CNR2: variants seen among roughly 807,000 people sequenced by gnomAD.
CNR2 encodes the protein cannabinoid receptor 2.
For missense variants in CNR2, 379 were observed against 439.9 expected (o/e 0.86, Z 1.24); for synonymous variants, 172 against 182.2 (o/e 0.94, Z 0.45).
At chr1:23,910,779 T>C (rs1640571165) in intron 1 of CNR2, among the ~76,000 whole-genome samples, 1 of 151,314 alleles carries the variant, frequency 6.6e-6, no homozygotes, top group Non-Finnish European at 1.5e-5. Flanking sequence ...ATTTTTAGAG[T>C]TGAAGAAACT....
intron 1 of CNR2, among the ~76,000 whole-genome samples, chr1:23,887,068 G>A (rs1327853347): frequency 6.6e-6 from 1 of 152,128 alleles, no homozygotes; most frequent in African/African-American, 2.4e-5. Context: ...ACCATGCCTG[G>A]TTAATTTTTG....
At position 23,887,838 on chromosome 1, in the gene CNR2, GC is replaced by G. The variant is rs1325515411; in HGVS notation, c.-45-12177del. Among the ~76,000 whole-genome samples the G allele has an allele frequency of 3.4e-5, 4 of 117,808 alleles. No individual in the cohort carries two copies. The East Asian group carries it at 6.7e-4, about 20-fold the overall frequency. 77.3% of individuals were successfully genotyped at this position (117,808 alleles called of 152,430 possible). Reference sequence around the variant, plus strand: ...CAAGGCTAAAAAAAAAATTTAAGTAGCCCCCCGAAGTTAAAGTTAAAAAAAA... The same window carrying G: ...CAAGGCTAAAAAAAAAATTTAAGTAGCCCCCGAAGTTAAAGTTAAAAAAAA... On this transcript the variant is annotated intron_variant, in intron 1 of 1. Transcript: ENST00000374472.
At chr1:23,886,705 A>G (rs925112733) in intron 1 of CNR2, among the ~76,000 whole-genome samples, 2 of 152,232 alleles carry the variant, frequency 1.3e-5, no homozygotes, top group Admixed American at 6.5e-5. Context: ...TTCTAATCCA[A>G]CGCCATCATT....
intron 1 of CNR2, among the ~76,000 whole-genome samples, chr1:23,885,487 T>C (rs1329103929): frequency 6.6e-6 from 1 of 152,182 alleles, no homozygotes; most frequent in Non-Finnish European, 1.5e-5. Context: ...ATTACTATCA[T>C]ACATGGAAGT....
In CNR2 at chr1:23,883,325, C is replaced by T. The variant is rs146078719; in HGVS notation, c.-45-7663G>A. Among the ~76,000 whole-genome samples the T allele has an allele frequency of 2.3e-3, 351 of 152,330 alleles. 2 individuals carry two copies. Among genetic ancestry groups the T allele is most frequent in the African/African-American group, 8.1e-3 (338 of 41,572 alleles). On this transcript the variant is annotated intron_variant, in intron 1 of 1. Coordinates refer to ENST00000374472, the MANE Select transcript of CNR2 (RefSeq NM_001841.3). ...AAATCTGGTGAAGTTGACGATACATCAATTGCAGTCCCGGGAATACGTTCT... is the reference window on the plus strand; with the variant it reads ...AAATCTGGTGAAGTTGACGATACATTAATTGCAGTCCCGGGAATACGTTCT...
chr1:23,870,886 C>T lies in CNR2; in HGVS notation c.*3649G>A, dbSNP rs932387793. On this transcript the variant is annotated 3_prime_UTR_variant, in exon 2 of 2. Coordinates refer to ENST00000374472, the MANE Select transcript of CNR2 (RefSeq NM_001841.3). ...CAGACATAGGGGCTGGGAGTGGTGG[C>T]TCACACCTGTAATCCTAGCACTTTG... 6.6e-6 allele frequency: 1 copy of T among 152,222 alleles called. No homozygotes were observed. The highest frequency in any genetic ancestry group is 2.4e-5 in the African/African-American group (1 of 41,400). 9.4% of individuals were successfully genotyped at this position (152,222 alleles called of 1,614,324 possible). A position where few individuals can be genotyped will look rare whatever the true frequency, so the allele number is the denominator to read the frequency against.
At position 23,875,819 on chromosome 1, in the gene CNR2, C is replaced by T. The variant is rs2148456568; in HGVS notation, c.-45-157G>A. 2.6e-5 allele frequency among the ~76,000 whole-genome samples: 4 copies of T among 152,138 alleles called. No homozygotes were observed. In the Middle Eastern group the frequency reaches 0.014, roughly 517 times the overall value. ...GTTTGCCTGTATTTTGCCCTTTCTC[C>T]ATCCAAGCAGGAAGCCAGATCTGTC... is the stretch of plus-strand genomic sequence containing the variant. On this transcript the variant is annotated intron_variant, in intron 1 of 1. Transcript: ENST00000374472.
chr1:23,895,466 C>T (rs894967015), intron 1 of CNR2, among the ~76,000 whole-genome samples: 7 of 152,144 alleles, frequency 4.6e-5, no homozygotes, highest in Non-Finnish European at 7.3e-5. Context: ...TGCCCAAAAA[C>T]CCATAGCAAG....
intron 1 of CNR2, among the ~76,000 whole-genome samples, chr1:23,910,536 C>T (rs1299620333): frequency 6.6e-6 from 1 of 151,242 alleles, no homozygotes; most frequent in Non-Finnish European, 1.5e-5. Context: ...TGCCTGTCAT[C>T]CCAGCTACTT....
intron 1 of CNR2, chr1:23,901,982 G>A: frequency 1.9e-6 from 3 of 1,604,862 alleles, no homozygotes; most frequent in Admixed American, 3.3e-5. Flanking sequence ...GTTGGTGGCC[G>A]TGTACCACAG....
chr1:23,906,184 G>A (rs79950720), intron 1 of CNR2, among the ~76,000 whole-genome samples: 744 of 152,128 alleles, frequency 4.9e-3, no homozygotes, highest in Non-Finnish European at 7.9e-3. Context: ...TCCCCCCTCA[G>A]ACTCTCTAGC....
At position 23,875,367 on chromosome 1, in the gene CNR2, C is replaced by A. The variant is rs1008131094; in HGVS notation, c.251G>T (p.Ser84Ile). Residue 84 changes from serine to isoleucine, a missense_variant, in exon 2 of 2, where the codon AGT becomes ATT. Physicochemically the swap from Ser to Ile is moderately radical, Grantham distance 142. Transcript: ENST00000374472. ...CACAAAGCTGCATGCAAAGACCACACTGGCCAGGAAGTCAGCCCCAGCCAA... is the reference window on the plus strand; with the variant it reads ...CACAAAGCTGCATGCAAAGACCACAATGGCCAGGAAGTCAGCCCCAGCCAA... Reference protein sequence around the residue: ...GSLAGADFLASVVFACSFVNF... With the variant: ...GSLAGADFLAIVVFACSFVNF... 1 of 1,614,124 alleles carries A rather than the reference C, an allele frequency of 6.2e-7. No homozygotes were observed. The highest frequency in any genetic ancestry group is 1.3e-5 in the African/African-American group (1 of 74,944).
intron 1 of CNR2, among the ~76,000 whole-genome samples, chr1:23,882,918 C>T (rs985749103): frequency 6.6e-6 from 1 of 152,058 alleles, no homozygotes; most frequent in Non-Finnish European, 1.5e-5. Flanking sequence ...CCATGGCATA[C>T]ATTCAAAGAA....
rs139819152 is a variant in CNR2, at chr1:23,872,695, G to A, written c.*1840C>T. 1.6e-4 allele frequency: 25 copies of A among 152,222 alleles called. 1 individual carries two copies. The East Asian group carries it at 4.6e-3, about 28-fold the overall frequency. The allele number at this position is 152,222 out of a possible 1,614,324, so 9.4% of individuals were successfully genotyped here. ...AAGATAACTAAGACCTTCTTATTAG[G>A]TTGTTGGGAAACATGAAGTGAAATA... On this transcript the variant is annotated 3_prime_UTR_variant, in exon 2 of 2. Transcript: ENST00000374472.
At chr1:23,891,759 A>G (rs1640196327) in intron 1 of CNR2, among the ~76,000 whole-genome samples, 1 of 151,976 alleles carries the variant, frequency 6.6e-6, no homozygotes, top group South Asian at 2.1e-4. Flanking sequence ...CTTGTATTAT[A>G]TGTGTCCATT....
intron 1 of CNR2, among the ~76,000 whole-genome samples, chr1:23,899,927 GAAAGAGAAAGAAAGGAAAGA>G (rs1338351295): frequency 0.011 from 75 of 6,600 alleles, no homozygotes; most frequent in African/African-American, 0.013. Context: ...GAAAGAGAAA[GAAAGAGAAAGAAAGGAAAGA>G]GAAAGAAAGG....
At chr1:23,887,884 A>G (rs943723354) in intron 1 of CNR2, among the ~76,000 whole-genome samples, 8 of 152,190 alleles carry the variant, frequency 5.3e-5, no homozygotes, top group African/African-American at 1.4e-4. Flanking sequence ...CGTCTGTCCC[A>G]AGAAACATTA....
chr1:23,896,881 G>GTTTTTTTTTTTT (rs5773060), intron 1 of CNR2, among the ~76,000 whole-genome samples: 15 of 141,804 alleles, frequency 1.1e-4, no homozygotes, highest in Non-Finnish European at 1.4e-4. Context: ...CACCAGGAGT[G>GTTTTTTTTTTTT]TTTTTTTTTT....
At position 23,875,312 on chromosome 1, in the gene CNR2, G is replaced by C; in HGVS notation, c.306C>G (p.Ser102=). The C allele has an allele frequency of 6.2e-7, 1 of 1,614,172 alleles. No individual in the cohort carries two copies. Among genetic ancestry groups the C allele is most frequent in the Non-Finnish European group, 8.5e-7 (1 of 1,180,038 alleles). The change falls in exon 2 of 2, where the codon TCC becomes TCG. Residue 102 remains serine, a synonymous_variant. Coordinates refer to ENST00000374472, the MANE Select transcript of CNR2 (RefSeq NM_001841.3). The part of the protein sequence containing the change: ...VNFHVFHGVD[S]KAVFLLKIGS... ...CAATCTTCAGCAGGAAGACAGCCTT[G>C]GAATCCACACCATGGAAAACATGGA... is the stretch of plus-strand genomic sequence containing the variant.
Sources: allele counts gnomAD v4.1 joint callset (sites outside exome capture counted in the v4.1 genomes callset), GRCh38; gene constraint gnomAD v4.1.1; transcripts MANE v1.5; gene names NCBI Gene and HGNC (gene_info 2026-07-23, HGNC 2026-07-21).